The following SH2D4A variants were observed in gnomAD, a reference collection of about 807,000 sequenced individuals.
SH2D4A encodes the protein SH2 domain-containing protein 4A.
A neutral mutation model predicts 64.7 loss-of-function variants in SH2D4A; 70 were observed. The ratio of observed to expected loss-of-function variants is 1.08; its 90% confidence interval spans 0.89 to 1.32. SH2D4A has a LOEUF of 1.32. Ranked by LOEUF, SH2D4A falls within the 40% of genes most tolerant of loss-of-function variation. SH2D4A has a pLI of 0.00. For missense variants in SH2D4A, 706 were observed against 540.1 expected, an observed-to-expected ratio of 1.31 and a Z score of -3.04; for synonymous variants, 268 against 200.7, an observed-to-expected ratio of 1.34 and a Z score of -2.83.
rs775837590 is a variant in SH2D4A, at chr8:19,393,493, G to A, written c.1224G>A (p.Val408=). ...CAGACGCCTACAGCTTCCTGGGCGTGGACCAGCTACAGCATGCCACCTTGG... is the reference window on the plus strand; with the variant it reads ...CAGACGCCTACAGCTTCCTGGGCGTAGACCAGCTACAGCATGCCACCTTGG... ...ASADAYSFLG[V]DQLQHATLAD... Residue 408 remains valine (V), a synonymous_variant, in exon 9 of 10, where the codon GTG becomes GTA. Transcript: ENST00000265807. 3.7e-6 allele frequency: 6 copies of A among 1,614,206 alleles called. No homozygotes were observed. In the South Asian group the frequency reaches 4.4e-5, roughly 12 times the overall value.
chr8:19,354,679 C>A (rs1388151210), intron 4 of SH2D4A, among the ~76,000 whole-genome samples: 1 of 152,212 alleles, frequency 6.6e-6, no homozygotes, highest in Non-Finnish European at 1.5e-5. Flanking sequence ...ATGAGATGAA[C>A]TGTTCAGTTT....
At chr8:19,321,758 A>C (rs1027420459) in intron 2 of SH2D4A, among the ~76,000 whole-genome samples, 7 of 152,300 alleles carry the variant, frequency 4.6e-5, no homozygotes, top group African/African-American at 1.7e-4. Context: ...CTGTGAACAT[A>C]ACATATATTA....
At chr8:19,323,351 T>C (rs1448121114) in intron 2 of SH2D4A, among the ~76,000 whole-genome samples, 1 of 152,000 alleles carries the variant, frequency 6.6e-6, no homozygotes, top group Non-Finnish European at 1.5e-5. Context: ...TTGGGTAAAG[T>C]AAAATACTTA....
chr8:19,382,749 G>A (rs1416819931), intron 8 of SH2D4A, among the ~76,000 whole-genome samples: 1 of 145,190 alleles, frequency 6.9e-6, no homozygotes, highest in Non-Finnish European at 1.6e-5. Flanking sequence ...GAAATCTGGG[G>A]ATAATCTTAT....
chr8:19,377,889 C>A (rs2053223704), intron 8 of SH2D4A, among the ~76,000 whole-genome samples: 1 of 152,176 alleles, frequency 6.6e-6, no homozygotes, highest in South Asian at 2.1e-4. Context: ...CATATTGCTA[C>A]ATGCCCACGA....
At chr8:19,365,938 G>T (rs1241397805) in intron 7 of SH2D4A, among the ~76,000 whole-genome samples, 1 of 146,322 alleles carries the variant, frequency 6.8e-6, no homozygotes, top group Non-Finnish European at 1.5e-5. Flanking sequence ...TCCCAGGGAA[G>T]TAAATATTAT....
At chr8:19,380,681 A>T (rs140718342) in intron 8 of SH2D4A, among the ~76,000 whole-genome samples, 2 of 152,214 alleles carry the variant, frequency 1.3e-5, no homozygotes, top group Non-Finnish European at 2.9e-5. Flanking sequence ...TCATTTGACC[A>T]TGTCTATGCA....
chr8:19,355,767 G>A (rs187771925), intron 4 of SH2D4A, among the ~76,000 whole-genome samples: 102 of 152,322 alleles, frequency 6.7e-4, no homozygotes, highest in African/African-American at 2.3e-3. Flanking sequence ...TACGTCTTCA[G>A]TATGCATTAG....
At chr8:19,351,265 C>T (rs1274160606) in intron 4 of SH2D4A, among the ~76,000 whole-genome samples, 1 of 152,182 alleles carries the variant, frequency 6.6e-6, no homozygotes, top group Non-Finnish European at 1.5e-5. Flanking sequence ...CTATAGACCA[C>T]TGATTCTCAG....
Position 19,319,442 on chromosome 8 carries a change from G to C in SH2D4A, c.-106G>C. On this transcript the variant is annotated 5_prime_UTR_variant, in exon 2 of 10. Coordinates refer to ENST00000265807, the MANE Select transcript of SH2D4A (RefSeq NM_022071.4). ...AGTCAGCCAGGATTGTGAGCTGTTTGGGAAGTTTCGTGGAAACGCCCAAGT... is the reference window on the plus strand; with the variant it reads ...AGTCAGCCAGGATTGTGAGCTGTTTCGGAAGTTTCGTGGAAACGCCCAAGT... 1 of 1,339,520 alleles carries C rather than the reference G, an allele frequency of 7.5e-7. No individual in the cohort carries two copies. Among genetic ancestry groups the C allele is most frequent in the Non-Finnish European group, 9.6e-7 (1 of 1,041,504 alleles). The allele number at this position is 1,339,520 out of a possible 1,614,324, so 83.0% of individuals were successfully genotyped here.
chr8:19,320,978 G>C (rs1451336122), intron 2 of SH2D4A, among the ~76,000 whole-genome samples: 1 of 152,114 alleles, frequency 6.6e-6, no homozygotes, highest in Non-Finnish European at 1.5e-5. Context: ...ACTTTTTACT[G>C]TCTTTTATTA....
intron 7 of SH2D4A, 78 bp from the exon 8 acceptor site, chr8:19,373,444 GTATATATA>G (rs10692584): frequency 6.7e-6 from 4 of 601,114 alleles, no homozygotes; most frequent in African/African-American, 4.3e-5. Context: ...ATGTGTGTGT[GTATATATA>G]TATATATATA....
chr8:19,390,517 TGATGGATTCATGACA>T (rs796093512), intron 8 of SH2D4A, among the ~76,000 whole-genome samples: 68 of 152,334 alleles, frequency 4.5e-4, no homozygotes, highest in African/African-American at 1.5e-3. Context: ...ACAGTGCCCC[TGATGGATTCATGACA>T]GATGGATTCA....
intron 1 of SH2D4A, among the ~76,000 whole-genome samples, chr8:19,317,844 G>T (rs963480691): frequency 1.3e-5 from 2 of 152,142 alleles, no homozygotes; most frequent in African/African-American, 4.8e-5. Context: ...ACATGGCAAG[G>T]TGGTAAGATT....
chr8:19,345,433 A>G (rs1448005367), intron 4 of SH2D4A, among the ~76,000 whole-genome samples: 1 of 152,268 alleles, frequency 6.6e-6, no homozygotes, highest in African/African-American at 2.4e-5. Flanking sequence ...GTTTCAGCGA[A>G]TAAGCCATAC....
chr8:19,357,882 G>C (rs58228214), intron 5 of SH2D4A, among the ~76,000 whole-genome samples: 2,615 of 152,274 alleles, frequency 0.017, 70 homozygotes, highest in African/African-American at 0.059. Context: ...GACCTACCGA[G>C]AGTCTGAAAC....
At chr8:19,362,011 A>C (rs1265508227) in intron 6 of SH2D4A, among the ~76,000 whole-genome samples, 2 of 152,220 alleles carry the variant, frequency 1.3e-5, no homozygotes, top group African/African-American at 4.8e-5. Context: ...GATGCTCCAG[A>C]ATGCTAGAAG....
chr8:19,366,492 C>G (rs1017098263), intron 7 of SH2D4A, among the ~76,000 whole-genome samples: 1 of 152,108 alleles, frequency 6.6e-6, no homozygotes, highest in African/African-American at 2.4e-5. Flanking sequence ...AACCACTGTT[C>G]CATACTTCTA....
At chr8:19,381,743 T>A (rs568522525) in intron 8 of SH2D4A, among the ~76,000 whole-genome samples, 2 of 152,198 alleles carry the variant, frequency 1.3e-5, no homozygotes, top group Non-Finnish European at 2.9e-5. Flanking sequence ...TTAGAAGAAA[T>A]GTCATTCAAC....
Sources: gnomAD v4.1 joint callset for allele counts (sites outside exome capture counted in the v4.1 genomes callset) on GRCh38, gnomAD v4.1.1 for gene constraint, MANE v1.5 for transcripts, NCBI Gene and HGNC (gene_info 2026-07-23, HGNC 2026-07-21) for gene names.